Variants in NDUFS4 observed in about 807,000 individuals in gnomAD.
NDUFS4 encodes the protein NADH dehydrogenase [ubiquinone] iron-sulfur protein 4, mitochondrial.
NDUFS4 carries 28 observed loss-of-function variants against 24.3 expected under a neutral mutation model. The ratio of observed to expected loss-of-function variants is 1.15; its 90% CI spans 0.85 to 1.58. The LOEUF is 1.58. Among genes scored for constraint, NDUFS4 ranks in the 40% most tolerant of loss-of-function variants. The pLI is 0.00. For missense variants in NDUFS4, 223 were observed against 207.9 expected (o/e 1.07, Z -0.45); for synonymous variants, 93 against 69.7 (o/e 1.34, Z -1.67).
chr5:53,616,812 T>C (rs972889100), intron 2 of NDUFS4, among the ~76,000 whole-genome samples: 3 of 152,206 alleles, frequency 2.0e-5, no homozygotes, highest in African/African-American at 4.8e-5. Context: ...TAAGCTATTA[T>C]GGTTAAGGGC....
At chr5:53,594,086 C>G (rs1221120376) in intron 1 of NDUFS4, among the ~76,000 whole-genome samples, 2 of 152,130 alleles carry the variant, frequency 1.3e-5, no homozygotes, top group African/African-American at 4.8e-5. Flanking sequence ...TTACTTCAAC[C>G]ATATTCTTAA....
At chr5:53,590,237 G>A (rs1194384149) in intron 1 of NDUFS4, among the ~76,000 whole-genome samples, 1 of 152,122 alleles carries the variant, frequency 6.6e-6, no homozygotes. Flanking sequence ...GAGTAAACTG[G>A]TTAATTGGAC....
chr5:53,644,099 A>G (rs563616117), intron 2 of NDUFS4, among the ~76,000 whole-genome samples: 59 of 152,246 alleles, frequency 3.9e-4, no homozygotes, highest in African/African-American at 1.3e-3. Flanking sequence ...TACTATTTCA[A>G]TTTTTTTCAA....
chr5:53,621,077 G>A (rs1032253551), intron 2 of NDUFS4, among the ~76,000 whole-genome samples: 14 of 152,294 alleles, frequency 9.2e-5, no homozygotes, highest in South Asian at 2.1e-4. Context: ...TATCTTTCCT[G>A]TGTGTGTTGG....
At chr5:53,673,881 A>T (rs990444145) in intron 4 of NDUFS4, among the ~76,000 whole-genome samples, 1 of 152,094 alleles carries the variant, frequency 6.6e-6, no homozygotes, top group African/African-American at 2.4e-5. Flanking sequence ...TTATACTCCA[A>T]CTTCTCCAGG....
intron 2 of NDUFS4, among the ~76,000 whole-genome samples, chr5:53,638,055 G>T (rs1450695008): frequency 1.3e-5 from 2 of 151,840 alleles, no homozygotes; most frequent in African/African-American, 4.8e-5. Context: ...GCAGTTTTTT[G>T]GTATACAAAA....
At chr5:53,662,959 A>G (rs2112528022) in intron 4 of NDUFS4, among the ~76,000 whole-genome samples, 1 of 151,950 alleles carries the variant, frequency 6.6e-6, no homozygotes, top group Middle Eastern at 3.4e-3. Context: ...GTGGGCATTT[A>G]GTGCTATAAA....
At chr5:53,619,982 A>G (rs763975659) in intron 2 of NDUFS4, among the ~76,000 whole-genome samples, 3 of 152,128 alleles carry the variant, frequency 2.0e-5, no homozygotes, top group South Asian at 2.1e-4. Context: ...TTTAGTATCA[A>G]TTCTTTGAAG....
At chr5:53,625,498 G>A (rs765992099) in intron 2 of NDUFS4, among the ~76,000 whole-genome samples, 1 of 151,988 alleles carries the variant, frequency 6.6e-6, no homozygotes, top group Non-Finnish European at 1.5e-5. Flanking sequence ...ATATTGTACT[G>A]CTTAATATTT....
intron 3 of NDUFS4, among the ~76,000 whole-genome samples, chr5:53,652,956 C>A (rs1341456206): frequency 6.7e-6 from 1 of 149,868 alleles, no homozygotes; most frequent in Non-Finnish European, 1.5e-5. Context: ...TTTTTACAAT[C>A]TTTTATCTTT....
intron 1 of NDUFS4, among the ~76,000 whole-genome samples, chr5:53,600,234 G>T (rs145454389): frequency 4.6e-5 from 7 of 151,946 alleles, no homozygotes; most frequent in African/African-American, 1.7e-4. Context: ...CCTGAACTTA[G>T]GTGATCCGCC....
At chr5:53,667,844 A>T (rs1183242570) in intron 4 of NDUFS4, among the ~76,000 whole-genome samples, 1 of 152,186 alleles carries the variant, frequency 6.6e-6, no homozygotes, top group Non-Finnish European at 1.5e-5. Flanking sequence ...ATATTTCTTC[A>T]TCTTTGAAAT....
chr5:53,573,562 G>A, intron 1 of NDUFS4: 1 of 451,398 alleles, frequency 2.2e-6, no homozygotes, highest in East Asian at 7.0e-5. Flanking sequence ...CTGTGGTAAA[G>A]AGCATTGCTT....
At chr5:53,575,015 C>T (rs934652858) in intron 1 of NDUFS4, among the ~76,000 whole-genome samples, 1 of 152,146 alleles carries the variant, frequency 6.6e-6, no homozygotes, top group African/African-American at 2.4e-5. Context: ...TTTTGGCTCC[C>T]GCACATTTCC....
At chr5:53,589,437 T>A (rs1391884872) in intron 1 of NDUFS4, among the ~76,000 whole-genome samples, 1 of 152,236 alleles carries the variant, frequency 6.6e-6, no homozygotes, top group East Asian at 1.9e-4. Flanking sequence ...CTACTGTTGG[T>A]TACTGGGATG....
At chr5:53,574,939 G>A (rs181542393) in intron 1 of NDUFS4, among the ~76,000 whole-genome samples, 185 of 152,214 alleles carry the variant, frequency 1.2e-3, no homozygotes, top group African/African-American at 4.4e-3. Context: ...AAAAGCAATG[G>A]GTGTTGGCCC....
chr5:53,675,291 G>T (rs951566805), intron 4 of NDUFS4, among the ~76,000 whole-genome samples: 3 of 151,310 alleles, frequency 2.0e-5, no homozygotes, highest in Admixed American at 6.6e-5. Flanking sequence ...GCCTCCCGAG[G>T]AGCTGGGACT....
chr5:53,663,990 G>T (rs2112529555), intron 4 of NDUFS4, among the ~76,000 whole-genome samples: 1 of 152,220 alleles, frequency 6.6e-6, no homozygotes, highest in East Asian at 1.9e-4. Context: ...CTTTCCATGT[G>T]TAGTGCTTCC....
intron 2 of NDUFS4, among the ~76,000 whole-genome samples, chr5:53,608,470 A>G (rs1274240392): frequency 1.3e-5 from 2 of 152,206 alleles, no homozygotes; most frequent in East Asian, 1.9e-4. Flanking sequence ...ACTTCTTTCA[A>G]AATTGGAATC....
Sources: allele counts gnomAD v4.1 joint callset (sites outside exome capture counted in the v4.1 genomes callset), GRCh38; gene constraint gnomAD v4.1.1; transcripts MANE v1.5; gene names NCBI Gene and HGNC (gene_info 2026-07-23, HGNC 2026-07-21).